JMJD1C: variants seen among roughly 807,000 people sequenced by gnomAD.
JMJD1C encodes the protein jumonji domain-containing protein 1C.
JMJD1C carries 31 observed loss-of-function variants against 245.3 expected under a neutral mutation model. The ratio of observed to expected loss-of-function variants is 0.13; its 90% CI spans 0.09 to 0.17. JMJD1C has a LOEUF of 0.17. Among genes scored for constraint, JMJD1C ranks in the 10% least tolerant of loss-of-function variants. The pLI, the probability that JMJD1C is intolerant of heterozygous loss-of-function variation, is 1.00. For missense variants in JMJD1C, 2,691 were observed against 3,000.2 expected (o/e 0.90, Z 2.41); for synonymous variants, 1,057 against 1,017.4 (o/e 1.04, Z -0.74).
intron 24 of JMJD1C, 29 bp downstream of exon 24, chr10:63,176,264 TAAAA>T: frequency 1.3e-6 from 2 of 1,507,126 alleles, no homozygotes; most frequent in Non-Finnish European, 9.0e-7. Flanking sequence ...TTTCAGTCAG[TAAAA>T]AATATGTTAG....
chr10:63,497,994 A>G (rs1270597699), intron 1 of JMJD1C, among the ~76,000 whole-genome samples: 2 of 152,192 alleles, frequency 1.3e-5, no homozygotes, highest in Non-Finnish European at 2.9e-5. Flanking sequence ...ACCAATCACT[A>G]TGAGTTGTGC....
intron 1 of JMJD1C, among the ~76,000 whole-genome samples, chr10:63,502,975 A>G (rs1326826414): frequency 6.6e-6 from 1 of 152,216 alleles, no homozygotes; most frequent in Non-Finnish European, 1.5e-5. Context: ...AAGTGCTTCA[A>G]ATGATCTTCA....
chr10:63,280,566 T>C (rs1323545341), intron 2 of JMJD1C, among the ~76,000 whole-genome samples: 6 of 152,004 alleles, frequency 3.9e-5, no homozygotes, highest in African/African-American at 1.4e-4. Context: ...AAAAAGATTC[T>C]GAATGAAAAT....
At chr10:63,239,748 C>T (rs1350126350) in intron 3 of JMJD1C, among the ~76,000 whole-genome samples, 1 of 152,054 alleles carries the variant, frequency 6.6e-6, no homozygotes, top group South Asian at 2.1e-4. Flanking sequence ...CCTGGCCCTA[C>T]ATGTTGATTT....
chr10:63,171,583 G>A (rs1378688251), intron 24 of JMJD1C, among the ~76,000 whole-genome samples: 1 of 152,154 alleles, frequency 6.6e-6, no homozygotes, highest in Non-Finnish European at 1.5e-5. Flanking sequence ...CCTTGGGTTT[G>A]CATGAGATTC....
At chr10:63,314,956 G>GTTTT (rs71025156) in intron 2 of JMJD1C, among the ~76,000 whole-genome samples, 13 of 133,458 alleles carry the variant, frequency 9.7e-5, no homozygotes, top group East Asian at 2.2e-4. Context: ...AGCCTTTTTT[G>GTTTT]TTTTTTTTTT....
Position 63,230,769 on chromosome 10 carries a change from T to TCC in JMJD1C, c.448-10788_448-10787dup, listed in dbSNP as rs562461451. Among the ~76,000 whole-genome samples the TCC allele has an allele frequency of 3.2e-3, 437 of 136,750 alleles. 5 individuals are homozygous for TCC. Among genetic ancestry groups the TCC allele is most frequent in the Admixed American group, 0.022 (293 of 13,128 alleles). 89.7% of individuals were successfully genotyped at this position (136,750 alleles called of 152,430 possible). The stretch of plus-strand genomic sequence containing the variant: ...CAGCCTAGGTGACAGAGTGAGACTG[T>TCC]CCCCCCCCCCAAAAAAAATAAATAA... On this transcript the variant is annotated intron_variant, in intron 3 of 25. Coordinates refer to ENST00000399262, the MANE Select transcript of JMJD1C (RefSeq NM_032776.3).
chr10:63,332,930 T>A (rs1448412877), intron 2 of JMJD1C, among the ~76,000 whole-genome samples: 1 of 152,170 alleles, frequency 6.6e-6, no homozygotes, highest in Non-Finnish European at 1.5e-5. Context: ...TAAACCATTA[T>A]GCTAATTATC....
intron 1 of JMJD1C, among the ~76,000 whole-genome samples, chr10:63,495,748 C>A (rs1954342726): frequency 3.5e-5 from 4 of 113,222 alleles, no homozygotes; most frequent in South Asian, 7.9e-4. Flanking sequence ...AAAACAACTC[C>A]TAACTCAAAA....
In JMJD1C at chr10:63,167,978, T is replaced by C. The variant is rs368213455; in HGVS notation, c.*67A>G. On this transcript the variant is annotated 3_prime_UTR_variant, in exon 26 of 26. Transcript: ENST00000399262. ...TTATGAAGCTTAAAGTCAGTGTGCA[T>C]ACATATCATCATTCAAGGTTAAGTA... 13 of 922,368 alleles carry C rather than the reference T, an allele frequency of 1.4e-5. 1 individual carries two copies. The African/African-American group carries it at 2.1e-4, about 15-fold the overall frequency. The allele number at this position is 922,368 out of a possible 1,614,324, so 57.1% of individuals were successfully genotyped here.
intron 1 of JMJD1C, among the ~76,000 whole-genome samples, chr10:63,451,734 C>T (rs545909595): frequency 7.2e-4 from 109 of 152,182 alleles, no homozygotes; most frequent in African/African-American, 2.4e-3. Context: ...CAATCCCCCA[C>T]GATACTGAGA....
At position 63,168,093 on chromosome 10, in the gene JMJD1C, T is replaced by C. The variant is rs1187218585; in HGVS notation, c.7575A>G (p.Arg2525=). 1.9e-6 allele frequency: 3 copies of C among 1,606,598 alleles called. No individual in the cohort carries two copies. In the African/African-American group the frequency reaches 4.0e-5, roughly 21 times the overall value. The change falls in exon 26 of 26, where the codon AGA becomes AGG. Residue 2525 remains arginine (R), a synonymous_variant. Transcript: ENST00000399262. The stretch of plus-strand genomic sequence containing the variant: ...CTTCATCCTCGTGTATCTTCAAGGC[T>C]CTCACCATTTCTTTGACTGCATGAT... ...ILYHAVKEMV[R]ALKIHEDEVE... is the part of the protein sequence containing the mutation.
Position 63,214,330 on chromosome 10 carries a change from G to T in JMJD1C, c.1837C>A (p.Leu613Met). The T allele has an allele frequency of 1.2e-6, 2 of 1,613,974 alleles. No homozygotes were observed. The highest frequency in any genetic ancestry group is 3.3e-5 in the Admixed American group (2 of 60,022). ...TCTGGAGGTGGACTTCGCTTATGCAGCTTATCTTCCATGACAGAAACTGCA... is the reference window on the plus strand; with the variant it reads ...TCTGGAGGTGGACTTCGCTTATGCATCTTATCTTCCATGACAGAAACTGCA... ...LSAVSVMEDK[L>M]HKRSPPPETI... Residue 613 changes from leucine (L) to methionine (M), a missense_variant, in exon 8 of 26, where the codon CTG becomes ATG. Coordinates refer to ENST00000399262, the MANE Select transcript of JMJD1C (RefSeq NM_032776.3).
In JMJD1C at chr10:63,208,629, T is replaced by C; in HGVS notation, c.3040A>G (p.Arg1014Gly). The change falls in exon 10 of 26, where the codon AGG (arginine) becomes GGG (glycine). Residue 1014 changes from arginine to glycine, a missense_variant. By Grantham distance (125) the Arg-to-Gly change is moderately radical (BLOSUM62 -2). Transcript: ENST00000399262. ...TGTTCCTCTTTGTATTTGTTTAACC[T>C]CTCTCCAGTCTCCTGGGGTGGCCTC... ...LQRPPQETGE[R>G]LNKYKEEHRR... The C allele has an allele frequency of 6.2e-7, 1 of 1,614,092 alleles. No individual in the cohort carries two copies. Among genetic ancestry groups the C allele is most frequent in the Non-Finnish European group, 8.5e-7 (1 of 1,179,966 alleles).
chr10:63,248,109 C>T (rs1388502740), intron 3 of JMJD1C, among the ~76,000 whole-genome samples: 1 of 146,844 alleles, frequency 6.8e-6, no homozygotes, highest in East Asian at 2.0e-4. Flanking sequence ...GCGCCTGTAT[C>T]CCAGCCACTC....
chr10:63,339,859 G>A (rs1380302092), intron 2 of JMJD1C, among the ~76,000 whole-genome samples: 1 of 152,194 alleles, frequency 6.6e-6, no homozygotes, highest in Non-Finnish European at 1.5e-5. Flanking sequence ...ATGACTGCAA[G>A]ATTTTTTTAC....
chr10:63,190,583 A>G (rs987347125), intron 17 of JMJD1C, among the ~76,000 whole-genome samples: 7 of 152,194 alleles, frequency 4.6e-5, no homozygotes, highest in African/African-American at 1.7e-4. Context: ...TAATTATTTT[A>G]AGTAACATAC....
At chr10:63,508,856 T>C (rs1954795204) in intron 1 of JMJD1C, among the ~76,000 whole-genome samples, 1 of 152,240 alleles carries the variant, frequency 6.6e-6, no homozygotes, top group Admixed American at 6.5e-5. Context: ...TTGAATTTTC[T>C]TCATAATCTT....
intron 2 of JMJD1C, among the ~76,000 whole-genome samples, chr10:63,282,616 A>G (rs1361732445): frequency 6.6e-6 from 1 of 152,238 alleles, no homozygotes; most frequent in Non-Finnish European, 1.5e-5. Flanking sequence ...TAACAAAGTT[A>G]TATTTTTAAA....
Sources: gnomAD v4.1 joint callset for allele counts (sites outside exome capture counted in the v4.1 genomes callset) on GRCh38, gnomAD v4.1.1 for gene constraint, MANE v1.5 for transcripts, NCBI Gene and HGNC (gene_info 2026-07-23, HGNC 2026-07-21) for gene names.